DCDC1: variants seen among roughly 807,000 people sequenced by gnomAD.
DCDC1 encodes the protein doublecortin domain containing 1.
In DCDC1, 200 loss-of-function variants were observed where a neutral mutation model predicts 178.3. That is an observed-to-expected ratio of 1.12 (90% confidence interval 1.00 to 1.26). The LOEUF is 1.26. Ranked by LOEUF, DCDC1 falls within the 50% of genes most tolerant of loss-of-function variation. The pLI, the probability that DCDC1 is intolerant of heterozygous loss-of-function variation, is 0.00. For missense variants in DCDC1, 1,983 were observed against 1,749.2 expected (o/e 1.13, Z -2.38); for synonymous variants, 690 against 604.8 (o/e 1.14, Z -2.07).
At chr11:31,094,366 T>C (rs1958009087) in intron 15 of DCDC1, among the ~76,000 whole-genome samples, 182 bp from the exon 16 acceptor site, 1 of 152,192 alleles carries the variant, frequency 6.6e-6, no homozygotes, top group South Asian at 2.1e-4. Flanking sequence ...ACCAACTCTA[T>C]TATGCAAGAC....
At chr11:31,263,971 T>G (rs751409459) in intron 8 of DCDC1, among the ~76,000 whole-genome samples, 1 of 152,222 alleles carries the variant, frequency 6.6e-6, no homozygotes, top group African/African-American at 2.4e-5. Context: ...TCTAGAGATA[T>G]TAGATGGATA....
intron 20 of DCDC1, among the ~76,000 whole-genome samples, chr11:30,975,542 C>T (rs998495937): frequency 6.6e-6 from 1 of 151,916 alleles, no homozygotes; most frequent in African/African-American, 2.4e-5. Flanking sequence ...AATTAACATA[C>T]AATAATTGGT....
intron 17 of DCDC1, among the ~76,000 whole-genome samples, chr11:31,085,520 T>A (rs1034762666): frequency 6.6e-6 from 1 of 152,170 alleles, no homozygotes; most frequent in Non-Finnish European, 1.5e-5. Flanking sequence ...TTTTCTACTT[T>A]CCTTCAGCGT....
intron 20 of DCDC1, among the ~76,000 whole-genome samples, chr11:31,040,969 A>G (rs956079951): frequency 6.6e-6 from 1 of 152,246 alleles, no homozygotes; most frequent in African/African-American, 2.4e-5. Context: ...AGTTTTGCTC[A>G]AAGTATTTAT....
chr11:31,328,046 T>C (rs1565614457), intron 3 of DCDC1, 71 bp downstream of exon 3: 19 of 1,439,358 alleles, frequency 1.3e-5, no homozygotes, highest in Non-Finnish European at 1.8e-5. Flanking sequence ...GATTGAAAAT[T>C]TAAACTACTT....
intron 20 of DCDC1, among the ~76,000 whole-genome samples, chr11:30,955,582 T>C (rs1948726568): frequency 6.6e-6 from 1 of 152,194 alleles, no homozygotes; most frequent in African/African-American, 2.4e-5. Flanking sequence ...CAAAATCCTG[T>C]TTTCAACACC....
chr11:30,888,737 A>G (rs2134027221), intron 36 of DCDC1, among the ~76,000 whole-genome samples: 1 of 152,292 alleles, frequency 6.6e-6, no homozygotes, highest in Middle Eastern at 3.4e-3. Context: ...CAAACAAAAA[A>G]CAAAACAAAA....
Position 30,925,383 on chromosome 11 carries a change from A to C in DCDC1, c.2923T>G (p.Ser975Ala). The change falls in exon 23 of 39, where the codon TCT becomes GCT. Residue 975 changes from serine to alanine, a missense_variant. Physicochemically the swap from Ser to Ala is moderately conservative, Grantham distance 99 (BLOSUM62 1). Coordinates refer to ENST00000684477, the MANE Select transcript of DCDC1 (RefSeq NM_001387274.1). Reference sequence around the variant, plus strand: ...TCATTGTACAATCTCCGAGCTGCAGAAGGTAAATTTAAAATCTCAGTGCAC... The same window carrying C: ...TCATTGTACAATCTCCGAGCTGCAGCAGGTAAATTTAAAATCTCAGTGCAC... ...TQCTEILNLP[S>A]AARRLYNEKG... 6.2e-7 allele frequency: 1 copy of C among 1,613,808 alleles called. No homozygotes were observed. Among genetic ancestry groups the C allele is most frequent in the East Asian group, 2.2e-5 (1 of 44,856 alleles).
At chr11:30,981,216 T>G (rs535268184) in intron 20 of DCDC1, among the ~76,000 whole-genome samples, 81 of 151,978 alleles carry the variant, frequency 5.3e-4, no homozygotes, top group Non-Finnish European at 3.2e-4. Flanking sequence ...AGAGCGAGGG[T>G]TGAAAAATTA....
intron 9 of DCDC1, among the ~76,000 whole-genome samples, chr11:31,208,017 T>G (rs1211596553): frequency 1.3e-5 from 2 of 152,214 alleles, no homozygotes; most frequent in African/African-American, 4.8e-5. Flanking sequence ...TAGTTGATCC[T>G]TCTTTTACTC....
intron 2 of DCDC1, among the ~76,000 whole-genome samples, chr11:31,329,556 C>A (rs188371652): frequency 2.0e-5 from 3 of 152,120 alleles, no homozygotes; most frequent in Non-Finnish European, 4.4e-5. Context: ...CCCTGCCCCC[C>A]ACCCCACAAC....
chr11:31,332,625 T>C (rs528737966), intron 2 of DCDC1, among the ~76,000 whole-genome samples: 1 of 152,232 alleles, frequency 6.6e-6, no homozygotes, highest in Admixed American at 6.5e-5. Context: ...TCTGCCTTCA[T>C]TTCATTATTT....
chr11:31,137,035 T>C (rs951064412), intron 10 of DCDC1, among the ~76,000 whole-genome samples: 6 of 152,186 alleles, frequency 3.9e-5, no homozygotes, highest in African/African-American at 9.6e-5. Context: ...CAGCAAGATA[T>C]AGTATTTATC....
rs114675829 is a variant in DCDC1, at chr11:31,038,416, A to G, written c.2591+26053T>C. Among the ~76,000 whole-genome samples the G allele has an allele frequency of 8.6e-3, 1,314 of 152,266 alleles. 25 individuals carry two copies. Among genetic ancestry groups the G allele is most frequent in the African/African-American group, 0.03 (1,266 of 41,528 alleles). On this transcript the variant is annotated intron_variant, in intron 20 of 38. Transcript: ENST00000684477. ...AAAATATGTCTGATTCCTTGGCGTAACTTCAACTTTTTGTGCATACTTTCA... is the reference window on the plus strand; with the variant it reads ...AAAATATGTCTGATTCCTTGGCGTAGCTTCAACTTTTTGTGCATACTTTCA...
At chr11:31,081,617 A>T (rs1158474329) in intron 17 of DCDC1, among the ~76,000 whole-genome samples, 1 of 152,094 alleles carries the variant, frequency 6.6e-6, no homozygotes, top group Admixed American at 6.5e-5. Flanking sequence ...TCTCAAAAAA[A>T]AAAGAAAAGA....
At chr11:31,358,189 A>G (rs1016424189) in intron 1 of DCDC1, among the ~76,000 whole-genome samples, 1 of 151,848 alleles carries the variant, frequency 6.6e-6, no homozygotes, top group African/African-American at 2.4e-5. Context: ...TTCAAACTAT[A>G]CTACAAGGCT....
chr11:31,183,777 C>G (rs1051355386), intron 9 of DCDC1, among the ~76,000 whole-genome samples: 3 of 151,926 alleles, frequency 2.0e-5, no homozygotes, highest in African/African-American at 4.8e-5. Flanking sequence ...GAAATAAGAG[C>G]AGACACAAAC....
At chr11:31,105,275 T>G (rs1022043900) in intron 13 of DCDC1, among the ~76,000 whole-genome samples, 2 of 151,970 alleles carry the variant, frequency 1.3e-5, no homozygotes, top group African/African-American at 4.8e-5. Context: ...ACTACAATTC[T>G]CAGCTGATTT....
chr11:31,017,283 C>T (rs983831222), intron 20 of DCDC1, among the ~76,000 whole-genome samples: 2 of 152,162 alleles, frequency 1.3e-5, no homozygotes, highest in Non-Finnish European at 1.5e-5. Flanking sequence ...TCTCCTCTTC[C>T]TCTTCCTCCT....
Sources: allele counts gnomAD v4.1 joint callset (sites outside exome capture counted in the v4.1 genomes callset), GRCh38; gene constraint gnomAD v4.1.1; transcripts MANE v1.5; gene names NCBI Gene and HGNC (gene_info 2026-07-23, HGNC 2026-07-21).